Variants in RPS6KC1 observed in about 807,000 individuals in gnomAD.
The protein encoded by RPS6KC1 is ribosomal protein S6 kinase C1.
In RPS6KC1, 54 loss-of-function variants were observed where a neutral mutation model predicts 103.8. The ratio of observed to expected loss-of-function variants is 0.52; its 90% CI spans 0.42 to 0.65. The LOEUF (loss-of-function observed/expected upper bound fraction) is 0.65, where lower values mean the gene tolerates loss of function less well. Ranked by LOEUF, RPS6KC1 falls within the 30% of genes least tolerant of loss-of-function variation. The pLI, the probability that RPS6KC1 is intolerant of heterozygous loss-of-function variation, is 0.00. For missense variants in RPS6KC1, 1,151 were observed against 1,253.8 expected (o/e 0.92, Z 1.24); for synonymous variants, 439 against 438.7 (o/e 1.00, Z -0.01).
the RPS6KC1 span, among the ~76,000 whole-genome samples, chr1:213,764,545 T>C: frequency 0.039 from 5,968 of 152,284 alleles, 182 homozygotes; most frequent in East Asian, 0.082. Flanking sequence ...TCCCAATGCC[T>C]CATGAATCCT....
chr1:213,143,611 T>C (rs2087348579), intron 6 of RPS6KC1, among the ~76,000 whole-genome samples: 3 of 152,050 alleles, frequency 2.0e-5, no homozygotes, highest in Non-Finnish European at 2.9e-5. Flanking sequence ...CTCCTATAGA[T>C]TTTGATATGT....
intron 3 of RPS6KC1, among the ~76,000 whole-genome samples, chr1:213,093,372 G>A (rs576506796): frequency 3.3e-5 from 5 of 151,874 alleles, no homozygotes; most frequent in Admixed American, 2.6e-4. Context: ...CACCATGCCC[G>A]GCTAATTTTT....
intron 8 of RPS6KC1, among the ~76,000 whole-genome samples, chr1:213,218,032 G>A (rs2093715986): frequency 6.6e-6 from 1 of 152,098 alleles, no homozygotes; most frequent in Non-Finnish European, 1.5e-5. Context: ...AAGGCAATCA[G>A]GCAGGAGAAG....
chr1:213,725,065 T>G, the RPS6KC1 span, among the ~76,000 whole-genome samples: 1 of 152,230 alleles, frequency 6.6e-6, no homozygotes, highest in Non-Finnish European at 1.5e-5. Flanking sequence ...CTAACACTTT[T>G]TTGTCTTTTA....
the RPS6KC1 span, among the ~76,000 whole-genome samples, chr1:213,380,471 G>A: frequency 6.6e-6 from 1 of 151,976 alleles, no homozygotes; most frequent in Non-Finnish European, 1.5e-5. Context: ...TCCTGCACAT[G>A]TACCCCTGAA....
chr1:213,070,999 G>T lies in RPS6KC1; in HGVS notation c.106-7G>T. 1 of 1,521,522 alleles carries T rather than the reference G, an allele frequency of 6.6e-7. No individual in the cohort carries two copies. The highest frequency in any genetic ancestry group is 9.0e-7 in the Non-Finnish European group (1 of 1,113,524). 94.3% of individuals were successfully genotyped at this position (1,521,522 alleles called of 1,614,324 possible). A position where few individuals can be genotyped will look rare whatever the true frequency, so the allele number is the denominator to read the frequency against. On this transcript the variant is annotated splice_polypyrimidine_tract_variant and splice_region_variant and intron_variant, in intron 1 of 14. Transcript: ENST00000366960. Reference sequence around the variant, plus strand: ...GATTAGAGATTTCTATGTATGTTTTGTTTTAGGTTGTTTCACGAAGAAATC... The same window carrying T: ...GATTAGAGATTTCTATGTATGTTTTTTTTTAGGTTGTTTCACGAAGAAATC...
At chr1:213,304,708 A>G in the RPS6KC1 span, among the ~76,000 whole-genome samples, 1 of 151,838 alleles carries the variant, frequency 6.6e-6, no homozygotes, top group Non-Finnish European at 1.5e-5. Flanking sequence ...TGCCTGGCTA[A>G]TTTTGTATTT....
At chr1:213,139,150 C>T (rs2086725512) in intron 6 of RPS6KC1, among the ~76,000 whole-genome samples, 1 of 151,138 alleles carries the variant, frequency 6.6e-6, no homozygotes, top group African/African-American at 2.4e-5. Context: ...GCTAGTATGT[C>T]TTCTTTTGAG....
At chr1:213,642,016 A>G in the RPS6KC1 span, among the ~76,000 whole-genome samples, 4 of 151,994 alleles carry the variant, frequency 2.6e-5, no homozygotes, top group African/African-American at 9.7e-5. Flanking sequence ...AAGAGAATGA[A>G]GCAAAAGGAA....
chr1:213,671,119 A>G, the RPS6KC1 span, among the ~76,000 whole-genome samples: 1 of 152,216 alleles, frequency 6.6e-6, no homozygotes, highest in Admixed American at 6.5e-5. Context: ...TCATCAGTGA[A>G]GTTTTATTCA....
In RPS6KC1 at chr1:213,241,947, C is replaced by T; in HGVS notation, c.2471C>T (p.Pro824Leu). ...TEESLFRICS[P>L]LSGANEYIAS... ...GAAAGCTTATTCCGTATTTGTAGTC[C>T]ACTCTCAGGTGCTAATGAATATATT... is the stretch of plus-strand genomic sequence containing the variant. Residue 824 changes from proline to leucine, a missense_variant, in exon 11 of 15, where the codon CCA (proline) becomes CTA (leucine). Pro to Leu is a moderately conservative substitution (Grantham distance 98, BLOSUM62 -3). This residue lies in a region of RPS6KC1 where 959 missense variants were observed against 1,006.3 expected (regional missense o/e 0.95). Transcript: ENST00000366960. The T allele has an allele frequency of 6.2e-7, 1 of 1,613,966 alleles. No homozygotes were observed. The highest frequency in any genetic ancestry group is 1.1e-5 in the South Asian group (1 of 91,064).
chr1:213,092,411 T>C (rs1382949930), intron 3 of RPS6KC1, among the ~76,000 whole-genome samples: 1 of 152,106 alleles, frequency 6.6e-6, no homozygotes, highest in Non-Finnish European at 1.5e-5. Context: ...GTGGCTCATG[T>C]CTGTAATCCC....
chr1:213,053,103 G>T (rs1264700668), intron 1 of RPS6KC1, among the ~76,000 whole-genome samples: 1 of 152,184 alleles, frequency 6.6e-6, no homozygotes, highest in Non-Finnish European at 1.5e-5. Context: ...TTGTGAGAGT[G>T]AGGGGCCCTT....
At chr1:213,266,787 C>CA (rs1279707866) in intron 14 of RPS6KC1, among the ~76,000 whole-genome samples, 2 of 151,806 alleles carry the variant, frequency 1.3e-5, no homozygotes, top group African/African-American at 4.8e-5. Context: ...CCTGTAGTCC[C>CA]AGGTACTTGG....
the RPS6KC1 span, among the ~76,000 whole-genome samples, chr1:213,630,009 C>G: frequency 6.6e-6 from 1 of 152,170 alleles, no homozygotes; most frequent in Non-Finnish European, 1.5e-5. Flanking sequence ...CTCTGGCTGT[C>G]CTTAACATTT....
At chr1:213,185,726 C>CT (rs955939018) in intron 8 of RPS6KC1, among the ~76,000 whole-genome samples, 40 of 148,934 alleles carry the variant, frequency 2.7e-4, no homozygotes, top group African/African-American at 4.7e-4. Context: ...TTTTAACAAT[C>CT]TTTTTTTTTT....
the RPS6KC1 span, among the ~76,000 whole-genome samples, chr1:213,789,938 TAA>T: frequency 0.15 from 22,458 of 152,164 alleles, 2,147 homozygotes; most frequent in South Asian, 0.24. Flanking sequence ...GATTTTCTCT[TAA>T]ATTAACAACT....
chr1:213,777,330 C>T, the RPS6KC1 span, among the ~76,000 whole-genome samples: 3 of 152,122 alleles, frequency 2.0e-5, no homozygotes, highest in Admixed American at 1.3e-4. Context: ...TACTTGAACA[C>T]TTAGAAGCCA....
the RPS6KC1 span, among the ~76,000 whole-genome samples, chr1:213,661,969 T>G: frequency 6.6e-6 from 1 of 152,148 alleles, no homozygotes; most frequent in East Asian, 1.9e-4. Flanking sequence ...AAAAGATAGA[T>G]TCTACTGAAT....
Sources: gnomAD v4.1 joint callset for allele counts (sites outside exome capture counted in the v4.1 genomes callset) on GRCh38, gnomAD v4.1.1 for gene constraint, gnomAD v4.1.1 regional missense constraint, MANE v1.5 for transcripts, NCBI Gene and HGNC (gene_info 2026-07-23, HGNC 2026-07-21) for gene names.